Variants in NRG1 observed in about 807,000 individuals in gnomAD.
NRG1 encodes the protein neuregulin 1.
A neutral mutation model predicts 63.8 loss-of-function variants in NRG1; 18 were observed. That is an observed-to-expected ratio of 0.28 (90% CI 0.19 to 0.42). The LOEUF is 0.42. Ranked by LOEUF, NRG1 falls within the 10% of genes least tolerant of loss-of-function variation. The pLI, the probability that NRG1 is intolerant of heterozygous loss-of-function variation, is 1.00. For missense variants in NRG1, 762 were observed against 814.7 expected, an observed-to-expected ratio of 0.94 and a Z score of 0.79; for synonymous variants, 302 against 301.3, an observed-to-expected ratio of 1.00 and a Z score of -0.02.
At chr8:31,925,204 G>T (rs1160759984) in intron 1 of NRG1, among the ~76,000 whole-genome samples, 5 of 11,670 alleles carry the variant, frequency 4.3e-4, no homozygotes, top group South Asian at 4.6e-3. Context: ...GCTACTGGGA[G>T]AGGTATGTCA....
intron 1 of NRG1, among the ~76,000 whole-genome samples, chr8:32,128,215 A>G (rs1002773598): frequency 3.3e-5 from 5 of 151,862 alleles, no homozygotes; most frequent in Admixed American, 1.3e-4. Flanking sequence ...GTGCTTGCGG[A>G]GAAAAAGAAG....
At chr8:32,554,222 C>T (rs1834667007) in intron 1 of NRG1, among the ~76,000 whole-genome samples, 1 of 152,040 alleles carries the variant, frequency 6.6e-6, no homozygotes, top group Non-Finnish European at 1.5e-5. Context: ...CACTAAGGTA[C>T]ATACAATGAA....
intron 1 of NRG1, among the ~76,000 whole-genome samples, chr8:31,689,507 G>A (rs1242296366): frequency 1.3e-5 from 2 of 152,144 alleles, no homozygotes; most frequent in African/African-American, 4.8e-5. Context: ...AAGCCCCCTT[G>A]TTTGGAAAAA....
chr8:32,025,289 GAA>G (rs928965139), intron 1 of NRG1, among the ~76,000 whole-genome samples: 1 of 150,108 alleles, frequency 6.7e-6, no homozygotes, highest in Non-Finnish European at 1.5e-5. Flanking sequence ...AAACTAGTAA[GAA>G]AAAAAAAGTC....
At chr8:31,830,745 A>T (rs1315032381) in intron 1 of NRG1, among the ~76,000 whole-genome samples, 1 of 151,578 alleles carries the variant, frequency 6.6e-6, no homozygotes, top group East Asian at 1.9e-4. Context: ...TACTCCTCCT[A>T]CTTCCTCCCT....
chr8:32,594,117 A>T (rs1030077314), intron 1 of NRG1, among the ~76,000 whole-genome samples: 2 of 152,038 alleles, frequency 1.3e-5, no homozygotes, highest in African/African-American at 2.4e-5. Flanking sequence ...CATTTTTAGG[A>T]TTTACTTGGC....
intron 1 of NRG1, among the ~76,000 whole-genome samples, chr8:32,280,608 A>T (rs1306537330): frequency 2.0e-5 from 3 of 147,320 alleles, no homozygotes; most frequent in Non-Finnish European, 4.5e-5. Flanking sequence ...TTGGGGTTTC[A>T]GTATGTGGTG....
intron 1 of NRG1, among the ~76,000 whole-genome samples, chr8:31,942,588 A>T (rs1403622267): frequency 6.6e-6 from 1 of 152,210 alleles, no homozygotes; most frequent in African/African-American, 2.4e-5. Flanking sequence ...AATAATCAGC[A>T]GAGTTAACAG....
chr8:32,385,621 G>A (rs1810919480), intron 1 of NRG1, among the ~76,000 whole-genome samples: 1 of 152,024 alleles, frequency 6.6e-6, no homozygotes, highest in South Asian at 2.1e-4. Flanking sequence ...GAGCCAGGAG[G>A]TGCTACACAC....
At chr8:32,351,058 C>T (rs1442086526) in intron 1 of NRG1, among the ~76,000 whole-genome samples, 1 of 152,156 alleles carries the variant, frequency 6.6e-6, no homozygotes, top group Admixed American at 6.6e-5. Flanking sequence ...CTCCTGGGCT[C>T]TGTTTGCAGG....
At chr8:31,669,781 T>C (rs1451171729) in intron 1 of NRG1, among the ~76,000 whole-genome samples, 5 of 152,194 alleles carry the variant, frequency 3.3e-5, no homozygotes, top group Admixed American at 3.3e-4. Flanking sequence ...AGAAAAGATA[T>C]ATCACAGATG....
In NRG1 at chr8:31,746,148, G is replaced by A. The variant is rs117790285; in HGVS notation, c.37+106717G>A. On this transcript the variant is annotated intron_variant, in intron 1 of 10. Coordinates refer to the NRG1 transcript ENST00000519301. Reference sequence around the variant, plus strand: ...ATGTGTAGGAGGAAAAGAGGATGACGGAGAATGCATATTTTGGTTTGGAGA... The same window carrying A: ...ATGTGTAGGAGGAAAAGAGGATGACAGAGAATGCATATTTTGGTTTGGAGA... Among the ~76,000 whole-genome samples, 584 of 151,904 alleles carry A rather than the reference G, an allele frequency of 3.8e-3. 1 individual carries two copies. The highest frequency in any genetic ancestry group is 0.019 in the South Asian group (91 of 4,828).
At position 31,951,085 on chromosome 8, in the gene NRG1, A is replaced by G. The variant is rs564764936; in HGVS notation, c.37+311654A>G. 3.3e-5 allele frequency among the ~76,000 whole-genome samples: 5 copies of G among 152,336 alleles called. No individual in the cohort carries two copies. In the South Asian group the frequency reaches 1.0e-3, roughly 32 times the overall value. On this transcript the variant is annotated intron_variant, in intron 1 of 10. Transcript: ENST00000519301. Reference sequence around the variant, plus strand: ...TGTTAGGTTGGAAGGACTGTGTGAGAATATTGTAGTTCCTGTTTTTCTGTT... The same window carrying G: ...TGTTAGGTTGGAAGGACTGTGTGAGGATATTGTAGTTCCTGTTTTTCTGTT...
downstream of NRG1, among the ~76,000 whole-genome samples, chr8:32,770,648 G>A (rs150998840): frequency 1.3e-5 from 2 of 152,272 alleles, no homozygotes; most frequent in East Asian, 1.9e-4. Context: ...GTGTACGAGT[G>A]AGAATGAATT....
intron 1 of NRG1, among the ~76,000 whole-genome samples, chr8:31,686,654 A>G (rs992989272): frequency 2.0e-5 from 3 of 152,100 alleles, no homozygotes; most frequent in Admixed American, 6.5e-5. Context: ...ATAAATTATT[A>G]TTTGACTTTG....
At chr8:31,850,798 C>T (rs1255276604) in intron 1 of NRG1, among the ~76,000 whole-genome samples, 2 of 152,174 alleles carry the variant, frequency 1.3e-5, no homozygotes, top group Non-Finnish European at 2.9e-5. Flanking sequence ...TCTCACCACC[C>T]GTTTGCTTAT....
rs115110238 is a variant in NRG1, at chr8:31,697,244, A to G, written c.37+57813A>G. On this transcript the variant is annotated intron_variant, in intron 1 of 10. Coordinates refer to the NRG1 transcript ENST00000519301. ...TTCTTTGCAAATTGAATCATTGGAG[A>G]CCAATGATCCTATAACTGCATTTGA... Among the ~76,000 whole-genome samples, 980 of 152,260 alleles carry G rather than the reference A, an allele frequency of 6.4e-3. 12 individuals carry two copies. The highest frequency in any genetic ancestry group is 0.023 in the African/African-American group (937 of 41,544).
chr8:32,596,524 C>T (rs1843396960), intron 2 of NRG1, among the ~76,000 whole-genome samples: 2 of 150,024 alleles, frequency 1.3e-5, no homozygotes, highest in Non-Finnish European at 1.5e-5. Flanking sequence ...CACTTGAACC[C>T]GGGAGGTGGA....
chr8:32,065,435 T>C (rs1388069472), intron 1 of NRG1, among the ~76,000 whole-genome samples: 3 of 152,132 alleles, frequency 2.0e-5, no homozygotes, highest in Non-Finnish European at 4.4e-5. Flanking sequence ...TTCCCACCTA[T>C]GAGTGAGAAC....
Sources: gnomAD v4.1 joint callset for allele counts (sites outside exome capture counted in the v4.1 genomes callset) on GRCh38, gnomAD v4.1.1 for gene constraint, MANE v1.5 for transcripts, NCBI Gene and HGNC (gene_info 2026-07-23, HGNC 2026-07-21) for gene names.